The following SLA variants were observed in gnomAD, a reference collection of about 807,000 sequenced individuals.
The protein encoded by SLA is Src like adaptor, also known as src-like-adapter.
In SLA, 16 loss-of-function variants were observed where a neutral mutation model predicts 30.3. The observed-to-expected ratio is 0.53, with a 90% CI of 0.36 to 0.80. SLA has a LOEUF of 0.80. SLA is among the 30% of genes least tolerant of loss of function. The pLI, the probability that SLA is intolerant of heterozygous loss-of-function variation, is 0.01. For synonymous variants in SLA, 143 were observed against 137.8 expected, an observed-to-expected ratio of 1.04 and a Z score of -0.26; for missense variants, 310 against 345.2, an observed-to-expected ratio of 0.90 and a Z score of 0.81.
chr8:133,093,138 T>TC (rs1256517554), intron 1 of SLA, among the ~76,000 whole-genome samples: 23 of 70,438 alleles, frequency 3.3e-4, no homozygotes, highest in African/African-American at 1.2e-3. Flanking sequence ...TCTTTTCTTT[T>TC]CTTTTTTTTT....
chr8:133,045,582 GT>G (rs954952991), intron 6 of SLA, among the ~76,000 whole-genome samples: 1 of 151,690 alleles, frequency 6.6e-6, no homozygotes, highest in Non-Finnish European at 1.5e-5. Flanking sequence ...TTTTGTAGAG[GT>G]GCAGTGTTGC....
chr8:133,053,980 A>C (rs1840898078), intron 3 of SLA, among the ~76,000 whole-genome samples: 1 of 152,194 alleles, frequency 6.6e-6, no homozygotes, highest in Non-Finnish European at 1.5e-5. Flanking sequence ...GCCAAACGGG[A>C]CAAAGTCACT....
chr8:133,088,389 G>A (rs1846956869), intron 1 of SLA, among the ~76,000 whole-genome samples: 1 of 152,146 alleles, frequency 6.6e-6, no homozygotes, highest in Non-Finnish European at 1.5e-5. Context: ...CTGTTTTCTC[G>A]GGTAGGTAGC....
chr8:133,065,181 C>T (rs1408587291), intron 2 of SLA, among the ~76,000 whole-genome samples: 2 of 152,154 alleles, frequency 1.3e-5, no homozygotes, highest in East Asian at 1.9e-4. Flanking sequence ...CCAGAACACC[C>T]CCATCCCACA....
At chr8:133,077,984 C>T (rs1022950588) in intron 1 of SLA, among the ~76,000 whole-genome samples, 3 of 152,168 alleles carry the variant, frequency 2.0e-5, no homozygotes, top group African/African-American at 7.2e-5. Flanking sequence ...CAAAATAAGA[C>T]ACGTGTGAAG....
Position 133,094,497 on chromosome 8 carries a change from C to G in SLA, c.-319+8056G>C, listed in dbSNP as rs145345240. 222 of 181,412 alleles carry G rather than the reference C, an allele frequency of 1.2e-3. 1 individual carries two copies. Among genetic ancestry groups the G allele is most frequent in the African/African-American group, 5.0e-3 (213 of 42,382 alleles). The allele number at this position is 181,412 out of a possible 1,614,324, so 11.2% of individuals were successfully genotyped here. ...CCTTGTGATCCGCCCACCTCAGCCT[C>G]CCAAAGTGAGAAACCAGTCATTTTA... On this transcript the variant is annotated intron_variant, in intron 1 of 8. Transcript: ENST00000338087.
intron 7 of SLA, among the ~76,000 whole-genome samples, chr8:133,043,542 A>G (rs1257275167): frequency 6.6e-6 from 1 of 152,202 alleles, no homozygotes; most frequent in Non-Finnish European, 1.5e-5. Context: ...TACATGAACG[A>G]TTGTGTTTAA....
intron 2 of SLA, among the ~76,000 whole-genome samples, chr8:133,067,901 AG>A (rs1843308622): frequency 1.9e-5 from 1 of 53,938 alleles, no homozygotes; most frequent in South Asian, 4.3e-4. Context: ...TATGGAAGGA[AG>A]GAAGGAAGGA....
chr8:133,074,070 A>G (rs978324323), intron 2 of SLA, among the ~76,000 whole-genome samples: 3 of 152,138 alleles, frequency 2.0e-5, no homozygotes, highest in Non-Finnish European at 1.5e-5. Flanking sequence ...CTCTCTCCAT[A>G]TGTAGACACC....
At chr8:133,095,528 C>T (rs1383329314) in intron 1 of SLA, among the ~76,000 whole-genome samples, 1 of 152,194 alleles carries the variant, frequency 6.6e-6, no homozygotes, top group Non-Finnish European at 1.5e-5. Flanking sequence ...GGCCTCACTC[C>T]AGGACCGTGG....
intron 2 of SLA, chr8:133,063,636 G>A (rs758430726): frequency 1.3e-5 from 2 of 152,138 alleles, no homozygotes; most frequent in Non-Finnish European, 2.9e-5. Context: ...GTTCTTCTAC[G>A]CTAACAGTCT....
intron 1 of SLA, among the ~76,000 whole-genome samples, chr8:133,100,144 A>G (rs1450779202): frequency 1.6e-4 from 25 of 152,166 alleles, no homozygotes; most frequent in Admixed American, 1.6e-3. Context: ...AGTTTCTCAA[A>G]TAGGCTGAGC....
At chr8:133,071,730 G>A (rs973462115) in intron 2 of SLA, among the ~76,000 whole-genome samples, 13 of 152,216 alleles carry the variant, frequency 8.5e-5, no homozygotes, top group African/African-American at 2.6e-4. Flanking sequence ...AAATGAAACC[G>A]ACTGCACTGA....
intron 7 of SLA, 51 bp from the exon 8 acceptor site, chr8:133,040,181 A>T (rs780737229): frequency 5.8e-6 from 9 of 1,552,812 alleles, no homozygotes; most frequent in Non-Finnish European, 7.8e-6. Context: ...CGCCTCAGCC[A>T]GTGTGGGGTT....
At chr8:133,069,672 A>T (rs117094574) in intron 2 of SLA, among the ~76,000 whole-genome samples, 385 of 152,236 alleles carry the variant, frequency 2.5e-3, no homozygotes, top group Non-Finnish European at 4.2e-3. Context: ...GGCTCAGTAG[A>T]TGCTCCATAG....
chr8:133,091,081 C>G (rs1847436131), intron 1 of SLA, among the ~76,000 whole-genome samples: 1 of 152,242 alleles, frequency 6.6e-6, no homozygotes, highest in Admixed American at 6.5e-5. Context: ...TGGGATTGCT[C>G]TGAGAGGTAG....
At chr8:133,047,968 A>T in intron 5 of SLA, 35 bp from the exon 6 acceptor site, 1 of 1,343,162 alleles carries the variant, frequency 7.4e-7, no homozygotes, top group Non-Finnish European at 1.1e-6. Context: ...AGGATCCGGA[A>T]CAAGCCCTCC....
At chr8:133,047,765 G>GC in intron 6 of SLA, 65 bp downstream of exon 6, 1 of 914,214 alleles carries the variant, frequency 1.1e-6, no homozygotes, top group Non-Finnish European at 1.8e-6. Context: ...CGTGTAATGA[G>GC]TCAGCCAGGA....
chr8:133,095,060 C>T (rs753468842), intron 1 of SLA: 30 of 1,613,822 alleles, frequency 1.9e-5, no homozygotes, highest in Non-Finnish European at 2.5e-5. Flanking sequence ...TCCGCACTCT[C>T]CCCGGCCGCC....
Sources: allele counts gnomAD v4.1 joint callset (sites outside exome capture counted in the v4.1 genomes callset), GRCh38; gene constraint gnomAD v4.1.1; transcripts MANE v1.5; gene names NCBI Gene and HGNC (gene_info 2026-07-23, HGNC 2026-07-21).